The following ADGRE5 variants were observed in gnomAD, a reference collection of about 807,000 sequenced individuals.
The protein encoded by ADGRE5 is CD97 molecule.
In ADGRE5, 72 loss-of-function variants were observed where a neutral mutation model predicts 100.3. That is an observed-to-expected ratio of 0.72 (90% confidence interval 0.59 to 0.87). The LOEUF is 0.87. Among genes scored for constraint, ADGRE5 ranks in the 40% least tolerant of loss-of-function variants. The pLI, the probability that ADGRE5 is intolerant of heterozygous loss-of-function variation, is 0.00. For missense variants in ADGRE5, 959 were observed against 1,094.7 expected (o/e 0.88, Z 1.75); for synonymous variants, 439 against 447.8 (o/e 0.98, Z 0.25).
At position 14,406,621 on chromosome 19, in the gene ADGRE5, CCACA is replaced by C; in HGVS notation, c.2048+69_2049-71del. The C allele has an allele frequency of 1.3e-6, 2 of 1,598,438 alleles. No homozygotes were observed. The highest frequency in any genetic ancestry group is 8.6e-7 in the Non-Finnish European group (1 of 1,166,328). The stretch of plus-strand genomic sequence containing the variant: ...CTGGGCCTGGGGCTCACAGGCAGTG[CCACA>C]CACAATGTCCGGCCGCCCTCCGTTC... On this transcript the variant is annotated intron_variant, in intron 15 of 19. Transcript: ENST00000242786. This position sits in a 1 kb window ranked among gnomAD's most constrained non-coding sequence, Gnocchi z 6.0.
rs1326102697 is a variant in ADGRE5, at chr19:14,408,534, G to A, written c.*413G>A. The A allele has an allele frequency of 4.5e-6, 2 of 442,354 alleles. No individual in the cohort carries two copies. The highest frequency in any genetic ancestry group is 8.1e-6 in the Non-Finnish European group (2 of 245,534). The allele number at this position is 442,354 out of a possible 1,614,324, so 27.4% of individuals were successfully genotyped here. ...GGGCTCAGCTTCCCTCTTAAGCTAAGACTGATGTCAGAGGCCCCATGGCGA... is the reference window on the plus strand; with the variant it reads ...GGGCTCAGCTTCCCTCTTAAGCTAAAACTGATGTCAGAGGCCCCATGGCGA... On this transcript the variant is annotated 3_prime_UTR_variant, in exon 20 of 20. Coordinates refer to ENST00000242786, the MANE Select transcript of ADGRE5 (RefSeq NM_078481.4).
chr19:14,384,983 CTTTTTTTTTTTTTTGAGACTCTTGCTCT>C (rs1975288736), intron 1 of ADGRE5, among the ~76,000 whole-genome samples: 2 of 82,472 alleles, frequency 2.4e-5, no homozygotes, highest in Non-Finnish European at 5.4e-5. Flanking sequence ...TCTTTTCTTT[CTTTTTTTTTTTTTTGAGACTCTTGCTCT>C]TTTTTTTTTT....
intron 13 of ADGRE5, 24 bp downstream of exon 13, chr19:14,404,586 A>G: frequency 6.2e-7 from 1 of 1,606,564 alleles, no homozygotes; most frequent in African/African-American, 1.3e-5. Flanking sequence ...GGCATCCTCA[A>G]GTGCCCACAG....
rs77414777 is a variant in ADGRE5 at position 14,383,752 on chromosome 19, G to A, written c.22+2207G>A. On this transcript the variant is annotated intron_variant, in intron 1 of 19. Transcript: ENST00000242786. ...GGCTTCTGTTTGGGCAACTTCCAAG[G>A]CCCCAGATGGAGGCAGCTGGGCCCT... Among the ~76,000 whole-genome samples the A allele has an allele frequency of 7.6e-3, 1,151 of 151,558 alleles. 11 individuals carry two copies. Among genetic ancestry groups the A allele is most frequent in the African/African-American group, 0.026 (1,081 of 41,282 alleles).
chr19:14,401,285 T>C lies in ADGRE5; in HGVS notation c.898-101T>C. 1.1e-6 allele frequency: 1 copy of C among 943,636 alleles called. No individual in the cohort carries two copies. Among genetic ancestry groups the C allele is most frequent in the South Asian group, 1.7e-5 (1 of 60,322 alleles). 58.5% of individuals were successfully genotyped at this position (943,636 alleles called of 1,614,324 possible). The stretch of plus-strand genomic sequence containing the variant: ...CATCTCAGTGATTCCCTTGTGCCTG[T>C]GGGTCTCCAGTGTGTCCCCTGGTAG... On this transcript the variant is annotated intron_variant, in intron 9 of 19. Transcript: ENST00000242786. This position sits in a 1 kb window ranked among gnomAD's most constrained non-coding sequence, Gnocchi z 4.1.
chr19:14,398,543 C>T (rs940298910), intron 9 of ADGRE5, among the ~76,000 whole-genome samples: 12 of 151,788 alleles, frequency 7.9e-5, no homozygotes, highest in East Asian at 1.9e-4. Context: ...GGTGTGGTGG[C>T]GGGTGCCTGT....
chr19:14,390,000 C>G lies in ADGRE5; in HGVS notation c.191-924C>G, dbSNP rs1305187645. ...CTGAGGCAGGAGAATCGCTTGAACC[C>G]GGGAGGCGGAAGTTGCAGTGAGCCA... is the stretch of plus-strand genomic sequence containing the variant. On this transcript the variant is annotated intron_variant, in intron 3 of 19. Coordinates refer to ENST00000242786, the MANE Select transcript of ADGRE5 (RefSeq NM_078481.4). Among the ~76,000 whole-genome samples, 7 of 151,126 alleles carry G rather than the reference C, an allele frequency of 4.6e-5. No homozygotes were observed. In the South Asian group the frequency reaches 1.5e-3, roughly 32 times the overall value.
In ADGRE5 at chr19:14,389,364, G is replaced by A. The variant is rs1460010236; in HGVS notation, c.190+546G>A. 2.3e-5 allele frequency among the ~76,000 whole-genome samples: 2 copies of A among 87,942 alleles called. 1 individual carries two copies. The highest frequency in any genetic ancestry group is 1.0e-4 in the African/African-American group (2 of 19,092). 57.7% of individuals were successfully genotyped at this position (87,942 alleles called of 152,430 possible). The stretch of plus-strand genomic sequence containing the variant: ...GGGGAGGGGAAGGGGAGGGGGATGA[G>A]GAGGGAGACGGGGAAGGGGAGGGGG... On this transcript the variant is annotated intron_variant, in intron 3 of 19. Coordinates refer to ENST00000242786, the MANE Select transcript of ADGRE5 (RefSeq NM_078481.4).
chr19:14,408,531 T>C lies in ADGRE5; in HGVS notation c.*410T>C, dbSNP rs569410952. The C allele has an allele frequency of 6.8e-6, 3 of 442,212 alleles. No homozygotes were observed. The highest frequency in any genetic ancestry group is 5.8e-5 in the African/African-American group (3 of 51,528). 27.4% of individuals were successfully genotyped at this position (442,212 alleles called of 1,614,324 possible). On this transcript the variant is annotated 3_prime_UTR_variant, in exon 20 of 20. Coordinates refer to ENST00000242786, the MANE Select transcript of ADGRE5 (RefSeq NM_078481.4). ...CTGGGGCTCAGCTTCCCTCTTAAGC[T>C]AAGACTGATGTCAGAGGCCCCATGG...
At position 14,390,925 on chromosome 19, in the gene ADGRE5, C is replaced by T; in HGVS notation, c.192C>T (p.Asp64=). 1 of 1,614,058 alleles carries T rather than the reference C, an allele frequency of 6.2e-7. No individual in the cohort carries two copies. Among genetic ancestry groups the T allele is most frequent in the East Asian group, 2.2e-5 (1 of 44,880 alleles). The part of the protein sequence containing the change: ...IITTPTETCD[D]INECATPSKV... ...ACTCCCTGTCCTGTTGTGTTCCAGA[C>T]ATCAACGAGTGTGCAACACCGTCGA... The change falls in exon 4 of 20, where the codon GAC becomes GAT. Residue 64 remains aspartate, a splice_region_variant and synonymous_variant. Coordinates refer to ENST00000242786, the MANE Select transcript of ADGRE5 (RefSeq NM_078481.4).
chr19:14,388,460 C>T lies in ADGRE5; in HGVS notation c.33C>T (p.Val11=), dbSNP rs766614509. Residue 11 remains valine (V), a synonymous_variant, in exon 2 of 20, where the codon GTC becomes GTT. Transcript: ENST00000242786. MGGRVFLAFC[V]WLTLPGAETQ... ...CTTTCTCTGTTGCAGCATTCTGTGTCTGGCTGACTCTGCCGGGAGCTGAAA... is the reference window on the plus strand; with the variant it reads ...CTTTCTCTGTTGCAGCATTCTGTGTTTGGCTGACTCTGCCGGGAGCTGAAA... 2.5e-6 allele frequency: 4 copies of T among 1,600,372 alleles called. No individual in the cohort carries two copies. The South Asian group carries it at 4.4e-5, about 18-fold the overall frequency.
intron 3 of ADGRE5, 36 bp from the exon 4 acceptor site, chr19:14,390,888 C>T: frequency 6.2e-7 from 1 of 1,607,448 alleles, no homozygotes; most frequent in South Asian, 1.1e-5. Flanking sequence ...GAACTCACAT[C>T]TTTGGGAGGT....
Position 14,406,252 on chromosome 19 carries a change from C to A in ADGRE5, c.1822-79C>A. On this transcript the variant is annotated intron_variant, in intron 14 of 19. Coordinates refer to ENST00000242786, the MANE Select transcript of ADGRE5 (RefSeq NM_078481.4). This position sits in a 1 kb window ranked among gnomAD's most constrained non-coding sequence, Gnocchi z 6.0. ...GCTGTGGTCCCGCCCACTCTCGGGA[C>A]CTGGCAGGCGACTGGCTCTGGCGCC... The A allele has an allele frequency of 8.6e-7, 1 of 1,168,498 alleles. No individual in the cohort carries two copies. Among genetic ancestry groups the A allele is most frequent in the Non-Finnish European group, 1.2e-6 (1 of 838,436 alleles). The allele number at this position is 1,168,498 out of a possible 1,614,324, so 72.4% of individuals were successfully genotyped here.
chr19:14,391,947 A>T (rs2094851982), intron 4 of ADGRE5, among the ~76,000 whole-genome samples: 1 of 151,180 alleles, frequency 6.6e-6, no homozygotes, highest in African/African-American at 2.4e-5. Context: ...AAATACAAAA[A>T]TTAGCCAGAC....
In ADGRE5 at chr19:14,408,200, G is replaced by T. The variant is rs377711177; in HGVS notation, c.*79G>T. ...CACGAAGACCATCCATCCTCCCTTCGTCCACCACTCTACTCCCTCCACCCT... is the reference window on the plus strand; with the variant it reads ...CACGAAGACCATCCATCCTCCCTTCTTCCACCACTCTACTCCCTCCACCCT... On this transcript the variant is annotated 3_prime_UTR_variant, in exon 20 of 20. Coordinates refer to ENST00000242786, the MANE Select transcript of ADGRE5 (RefSeq NM_078481.4). 1.4e-6 allele frequency: 2 copies of T among 1,471,964 alleles called. No individual in the cohort carries two copies. Among genetic ancestry groups the T allele is most frequent in the South Asian group, 1.2e-5 (1 of 85,782 alleles). The allele number at this position is 1,471,964 out of a possible 1,614,324, so 91.2% of individuals were successfully genotyped here. A position where few individuals can be genotyped will look rare whatever the true frequency, so the allele number is the denominator to read the frequency against.
chr19:14,381,691 C>G (rs1179841894), intron 1 of ADGRE5, 146 bp downstream of exon 1: 4 of 964,480 alleles, frequency 4.1e-6, no homozygotes, highest in Admixed American at 3.1e-5. Flanking sequence ...CACGGGCACA[C>G]GGCGAGAGGG....
intron 3 of ADGRE5, 143 bp from the exon 4 acceptor site, chr19:14,390,781 A>G: frequency 1.1e-6 from 1 of 937,458 alleles, no homozygotes; most frequent in Non-Finnish European, 1.6e-6. Flanking sequence ...CTCCAGCTGC[A>G]GCATAGCCTG....
rs747008089 is a variant in ADGRE5 at position 14,406,413 on chromosome 19, T to C, written c.1904T>C (p.Leu635Pro). The C allele has an allele frequency of 1.9e-6, 3 of 1,592,110 alleles. No individual in the cohort carries two copies. Among genetic ancestry groups the C allele is most frequent in the Admixed American group, 1.8e-5 (1 of 56,430 alleles). The change falls in exon 15 of 20, where the codon CTG becomes CCG. Residue 635 changes from leucine to proline, a missense_variant. Physicochemically the swap from Leu to Pro is moderately conservative, Grantham distance 98. Coordinates refer to ENST00000242786, the MANE Select transcript of ADGRE5 (RefSeq NM_078481.4). The surrounding 1 kb of genome is among the most constrained non-coding windows in gnomAD (Gnocchi z 6.0). Reference protein sequence around the residue: ...AAFCWMSLEGLELYFLVVRVF... With the variant: ...AAFCWMSLEGPELYFLVVRVF... ...TTCTGCTGGATGAGCCTCGAAGGCC[T>C]GGAGCTCTACTTTCTTGTGGTGCGC...
chr19:14,389,366 A>AAGG (rs1975508871), intron 3 of ADGRE5, among the ~76,000 whole-genome samples: 1 of 38,358 alleles, frequency 2.6e-5, no homozygotes, highest in African/African-American at 1.3e-4. Context: ...GGGGATGAGG[A>AAGG]GGGAGACGGG....
Sources: allele counts gnomAD v4.1 joint callset (sites outside exome capture counted in the v4.1 genomes callset), GRCh38; gene constraint gnomAD v4.1.1; non-coding constraint Gnocchi (gnomAD v3.1); transcripts MANE v1.5; gene names NCBI Gene and HGNC (gene_info 2026-07-23, HGNC 2026-07-21).